RNF144A: variants seen among roughly 807,000 people sequenced by gnomAD.
RNF144A encodes the protein E3 ubiquitin-protein ligase RNF144A.
Under a neutral mutation model 38.7 loss-of-function variants are expected in RNF144A, and 11 were observed. That is an observed-to-expected ratio of 0.28 (90% CI 0.18 to 0.47). RNF144A has a LOEUF of 0.47. Ranked by LOEUF, RNF144A falls within the 20% of genes least tolerant of loss-of-function variation. The pLI, the probability that RNF144A is intolerant of heterozygous loss-of-function variation, is 0.99. For synonymous variants in RNF144A, 149 were observed against 143.9 expected (o/e 1.04, Z -0.25); for missense variants, 316 against 377.2 (o/e 0.84, Z 1.34).
At position 7,062,701 on chromosome 2, in the gene RNF144A, C is replaced by G. The variant is rs560641481; in HGVS notation, c.735-5515C>G. On this transcript the variant is annotated intron_variant, in intron 6 of 6. Transcript: ENST00000432850. ...GCAGGATGGACCAGAGGAAAGAAAG[C>G]AGAGACGTTTATCCAGCTTCTCTGA... 15 of 152,254 alleles carry G rather than the reference C, an allele frequency of 9.9e-5. No homozygotes were observed. In the East Asian group the frequency reaches 1.4e-3, roughly 14 times the overall value. The allele number at this position is 152,254 out of a possible 1,614,324, so 9.4% of individuals were successfully genotyped here. A position where few individuals can be genotyped will look rare whatever the true frequency, so the allele number is the denominator to read the frequency against.
intron 2 of RNF144A, among the ~76,000 whole-genome samples, chr2:6,996,350 A>G (rs756330571): frequency 1.3e-5 from 2 of 152,172 alleles, no homozygotes; most frequent in Non-Finnish European, 2.9e-5. Flanking sequence ...CCTGGTTGGC[A>G]GGTGTCTTAT....
chr2:7,044,046 T>C lies in RNF144A; in HGVS notation c.*4286T>C. 6.1e-6 allele frequency: 6 copies of C among 985,834 alleles called. No individual in the cohort carries two copies. The highest frequency in any genetic ancestry group is 7.2e-6 in the Non-Finnish European group (6 of 829,916). 61.1% of individuals were successfully genotyped at this position (985,834 alleles called of 1,614,324 possible). ...TAATGTTGTGTTTTGTACTCTGGAA[T>C]CATATGGAAAAAGTTTGATTTGTAA... is the stretch of plus-strand genomic sequence containing the variant. On this transcript the variant is annotated 3_prime_UTR_variant, in exon 9 of 9. Transcript: ENST00000320892.
chr2:7,012,788 C>G (rs918670276), intron 3 of RNF144A, among the ~76,000 whole-genome samples: 1 of 152,176 alleles, frequency 6.6e-6, no homozygotes, highest in Admixed American at 6.5e-5. Context: ...CATCTGGAGT[C>G]TCACGTAGAA....
chr2:7,039,846 A>G lies in RNF144A; in HGVS notation c.*86A>G. Reference sequence around the variant, plus strand: ...CCCCACCGTCCCCCCTTCACTAAACATCTTTCTTGCCTTATGTGCCCCATT... The same window carrying G: ...CCCCACCGTCCCCCCTTCACTAAACGTCTTTCTTGCCTTATGTGCCCCATT... On this transcript the variant is annotated 3_prime_UTR_variant, in exon 9 of 9. Coordinates refer to ENST00000320892, the MANE Select transcript of RNF144A (RefSeq NM_014746.6). 6 of 1,543,784 alleles carry G rather than the reference A, an allele frequency of 3.9e-6. No individual in the cohort carries two copies. Among genetic ancestry groups the G allele is most frequent in the Non-Finnish European group, 5.3e-6 (6 of 1,142,754 alleles).
rs17607447 is a variant in RNF144A, at chr2:6,944,105, G to A, written c.-12+2958G>A. Among the ~76,000 whole-genome samples the A allele has an allele frequency of 0.085, 12,918 of 152,144 alleles. 632 individuals are homozygous for A. Among genetic ancestry groups the A allele is most frequent in the African/African-American group, 0.11 (4,617 of 41,486 alleles). On this transcript the variant is annotated intron_variant, in intron 2 of 8. Transcript: ENST00000320892. The surrounding 1 kb of genome is among the most constrained non-coding windows in gnomAD (Gnocchi z 4.7). Reference sequence around the variant, plus strand: ...AGGGAGAGAGGATCCTAATCTCAGAGGGCACTGAGACAGGGAAGTGAGGAG... The same window carrying A: ...AGGGAGAGAGGATCCTAATCTCAGAAGGCACTGAGACAGGGAAGTGAGGAG...
chr2:6,977,253 G>A (rs1385063675), intron 2 of RNF144A, among the ~76,000 whole-genome samples: 1 of 152,282 alleles, frequency 6.6e-6, no homozygotes, highest in Non-Finnish European at 1.5e-5. Context: ...GAGCTTAGGA[G>A]ATGTGCCAAG....
downstream of RNF144A, among the ~76,000 whole-genome samples, chr2:7,071,187 C>T (rs1320591571): frequency 1.3e-5 from 2 of 152,132 alleles, no homozygotes; most frequent in African/African-American, 4.8e-5. Context: ...CCACCCTCCT[C>T]GGCCTCCCAA....
In RNF144A at chr2:6,918,704, C is replaced by CA. The variant is rs1258967592; in HGVS notation, c.-212+1083dup. The CA allele has an allele frequency of 4.4e-4, 56 of 126,046 alleles. 2 individuals are homozygous for CA. The Middle Eastern group carries it at 0.026, about 58-fold the overall frequency. The allele number at this position is 126,046 out of a possible 1,614,324, so 7.8% of individuals were successfully genotyped here. ...GCGTGAACCCGGAAGGCGGAGCTTGCAGTGAGCGGAGATCGCGCCACAGCA... is the reference window on the plus strand; with the variant it reads ...GCGTGAACCCGGAAGGCGGAGCTTGCAAGTGAGCGGAGATCGCGCCACAGCA... On this transcript the variant is annotated intron_variant, in intron 1 of 8. Coordinates refer to ENST00000320892, the MANE Select transcript of RNF144A (RefSeq NM_014746.6).
At chr2:6,936,843 T>TTGTG (rs1665618756) in intron 1 of RNF144A, among the ~76,000 whole-genome samples, 2 of 60,316 alleles carry the variant, frequency 3.3e-5, no homozygotes, top group African/African-American at 1.0e-4. Flanking sequence ...TCACACACAG[T>TTGTG]AGTGTGTGTG....
At chr2:7,034,250 C>T (rs1054413087) in intron 8 of RNF144A, among the ~76,000 whole-genome samples, 5 of 149,840 alleles carry the variant, frequency 3.3e-5, no homozygotes, top group South Asian at 2.1e-4. Flanking sequence ...CCAGCCTGGG[C>T]GACAGAGCAA....
chr2:7,026,682 G>A (rs1489874096), intron 7 of RNF144A, among the ~76,000 whole-genome samples: 1 of 152,190 alleles, frequency 6.6e-6, no homozygotes, highest in Non-Finnish European at 1.5e-5. Context: ...TGGACTGACA[G>A]AAGTTTGGTT....
chr2:7,067,895 C>T (rs564109433), intron 6 of RNF144A, among the ~76,000 whole-genome samples: 2 of 152,270 alleles, frequency 1.3e-5, no homozygotes, highest in Admixed American at 1.3e-4. Flanking sequence ...CCAAGTTTCT[C>T]ATTGTCCATC....
At chr2:7,012,998 C>T (rs2460402) in intron 3 of RNF144A, among the ~76,000 whole-genome samples, 90,911 of 152,056 alleles carry the variant, frequency 0.6, 27,797 homozygotes, top group Non-Finnish European at 0.65. Flanking sequence ...CTTGAAGTTA[C>T]AGCTCTTGAG....
the RNF144A span, among the ~76,000 whole-genome samples, chr2:7,076,167 G>A: frequency 1.3e-5 from 2 of 152,158 alleles, no homozygotes; most frequent in East Asian, 3.9e-4. Context: ...GGCTTGCTGA[G>A]GGGAAGATGG....
chr2:7,012,233 A>G (rs966887018), intron 3 of RNF144A, among the ~76,000 whole-genome samples: 5 of 152,222 alleles, frequency 3.3e-5, no homozygotes, highest in Non-Finnish European at 5.9e-5. Flanking sequence ...GTAAGAGACA[A>G]ATCACGTAAG....
chr2:7,067,714 G>C (rs893432482), intron 6 of RNF144A, among the ~76,000 whole-genome samples: 2 of 152,080 alleles, frequency 1.3e-5, no homozygotes, highest in African/African-American at 4.8e-5. Context: ...CAAGAGGAAG[G>C]ACTAACAAAA....
intron 3 of RNF144A, among the ~76,000 whole-genome samples, chr2:7,005,258 A>G (rs189796067): frequency 9.8e-4 from 149 of 152,296 alleles, no homozygotes; most frequent in Non-Finnish European, 3.5e-4. Flanking sequence ...CTCTTTCAGT[A>G]TGGAGTTTAG....
intron 1 of RNF144A, among the ~76,000 whole-genome samples, chr2:6,925,102 A>G (rs1055304868): frequency 6.6e-6 from 1 of 152,236 alleles, no homozygotes; most frequent in African/African-American, 2.4e-5. Context: ...TGGCATCCAA[A>G]GAGCTTCCAG....
intron 2 of RNF144A, among the ~76,000 whole-genome samples, chr2:6,981,373 T>G (rs1312385896): frequency 6.6e-6 from 1 of 152,182 alleles, no homozygotes; most frequent in East Asian, 1.9e-4. Flanking sequence ...TCATATCGTC[T>G]CTTTGTGAAT....
Sources: allele counts gnomAD v4.1 joint callset (sites outside exome capture counted in the v4.1 genomes callset), GRCh38; gene constraint gnomAD v4.1.1; non-coding constraint Gnocchi (gnomAD v3.1); transcripts MANE v1.5; gene names NCBI Gene and HGNC (gene_info 2026-07-23, HGNC 2026-07-21).